RAD18: variants seen among roughly 807,000 people sequenced by gnomAD.
RAD18 encodes the protein E3 ubiquitin-protein ligase RAD18.
RAD18 carries 47 observed loss-of-function variants against 60.4 expected under a neutral mutation model. The observed-to-expected ratio is 0.78, with a 90% CI of 0.62 to 0.99. The LOEUF (loss-of-function observed/expected upper bound fraction) is 0.99. RAD18 is among the 50% of genes least tolerant of loss of function. The pLI is 0.00. For missense variants in RAD18, 640 were observed against 593.3 expected (o/e 1.08, Z -0.82); for synonymous variants, 225 against 195.5 (o/e 1.15, Z -1.26).
At chr3:8,885,080 C>G (rs956928816) in intron 12 of RAD18, among the ~76,000 whole-genome samples, 3 of 152,176 alleles carry the variant, frequency 2.0e-5, no homozygotes, top group Non-Finnish European at 4.4e-5. Context: ...CTTAGGAGAT[C>G]TGGCCATTCA....
chr3:8,890,248 C>T, intron 12 of RAD18, 141 bp downstream of exon 12: 1 of 637,166 alleles, frequency 1.6e-6, no homozygotes, highest in Non-Finnish European at 2.7e-6. Context: ...AAGTAGTAAA[C>T]TGAAAATCTT....
chr3:8,963,260 G>A (rs1392320710), intron 1 of RAD18, 75 bp downstream of exon 1: 1 of 1,462,358 alleles, frequency 6.8e-7, no homozygotes, highest in South Asian at 1.2e-5. Flanking sequence ...TCCTTAAGGC[G>A]AGGACATCCT....
intron 9 of RAD18, among the ~76,000 whole-genome samples, chr3:8,907,055 C>T (rs1430032197): frequency 6.6e-6 from 1 of 152,196 alleles, no homozygotes; most frequent in Non-Finnish European, 1.5e-5. Flanking sequence ...CTGGGTTTCT[C>T]CTTCCAGTAC....
chr3:8,943,772 G>A (rs368681495), intron 4 of RAD18, among the ~76,000 whole-genome samples: 4 of 152,088 alleles, frequency 2.6e-5, no homozygotes, highest in African/African-American at 4.8e-5. Flanking sequence ...AAATAACCCC[G>A]CATGTCAAAT....
At chr3:8,942,961 T>C (rs903805675) in intron 4 of RAD18, among the ~76,000 whole-genome samples, 1 of 152,316 alleles carries the variant, frequency 6.6e-6, no homozygotes, top group East Asian at 1.9e-4. Flanking sequence ...GGTAAGATCA[T>C]GGACATTCAA....
At chr3:8,959,364 G>C (rs554777499) in intron 1 of RAD18, among the ~76,000 whole-genome samples, 5 of 152,270 alleles carry the variant, frequency 3.3e-5, no homozygotes, top group South Asian at 2.1e-4. Context: ...CCAACACCTA[G>C]CCTATAGTCA....
chr3:8,948,625 A>C, intron 2 of RAD18, 55 bp from the exon 3 acceptor site: 1 of 1,419,670 alleles, frequency 7.0e-7, no homozygotes, highest in Non-Finnish European at 9.8e-7. Context: ...ATAATACAGG[A>C]ATATGACTTC....
At chr3:8,932,960 C>G (rs546164) in intron 7 of RAD18, among the ~76,000 whole-genome samples, 106,955 of 151,790 alleles carry the variant, frequency 0.7, 38,121 homozygotes, top group Middle Eastern at 0.78. Context: ...GCCGGGCGTG[C>G]TGGCAGGCAC....
chr3:8,887,305 G>A (rs896012935), intron 12 of RAD18, among the ~76,000 whole-genome samples: 19 of 152,156 alleles, frequency 1.2e-4, no homozygotes, highest in African/African-American at 7.2e-5. Context: ...AAGGGAGAGT[G>A]AGAAGTTTAA....
At chr3:8,922,161 A>C (rs1461766106) in intron 7 of RAD18, among the ~76,000 whole-genome samples, 1 of 152,228 alleles carries the variant, frequency 6.6e-6, no homozygotes, top group Non-Finnish European at 1.5e-5. Context: ...GGGGAAGCAC[A>C]AGGGGTCAGG....
At chr3:8,906,050 G>C (rs545008334) in intron 9 of RAD18, among the ~76,000 whole-genome samples, 1 of 152,138 alleles carries the variant, frequency 6.6e-6, no homozygotes, top group South Asian at 2.1e-4. Flanking sequence ...GAGAGACTGT[G>C]CCTTTGAACC....
At chr3:8,912,097 C>T (rs1482527640) in intron 9 of RAD18, among the ~76,000 whole-genome samples, 1 of 151,998 alleles carries the variant, frequency 6.6e-6, no homozygotes, top group Non-Finnish European at 1.5e-5. Context: ...TAGTGATAAG[C>T]TCAAAGTAGA....
intron 3 of RAD18, among the ~76,000 whole-genome samples, chr3:8,948,295 A>T (rs1940869970): frequency 6.6e-6 from 1 of 152,214 alleles, no homozygotes; most frequent in South Asian, 2.1e-4. Flanking sequence ...TACTTCCTAA[A>T]ATACATTTAG....
At position 8,899,126 on chromosome 3, in the gene RAD18, C is replaced by T. The variant is rs991285639; in HGVS notation, c.1169-79G>A. The T allele has an allele frequency of 1.3e-5, 15 of 1,111,480 alleles. No homozygotes were observed. The Admixed American group carries it at 2.0e-4, about 15-fold the overall frequency. 68.9% of individuals were successfully genotyped at this position (1,111,480 alleles called of 1,614,324 possible). A position where few individuals can be genotyped will look rare whatever the true frequency, so the allele number is the denominator to read the frequency against. On this transcript the variant is annotated intron_variant, in intron 10 of 12. Transcript: ENST00000264926. ...ATTACTTCTGCAACACTTAATACTG[C>T]CATGTGCACTTAGTAAAGTTGAAGT...
At chr3:8,886,774 G>A (rs1449588164) in intron 12 of RAD18, among the ~76,000 whole-genome samples, 1 of 152,212 alleles carries the variant, frequency 6.6e-6, no homozygotes, top group East Asian at 1.9e-4. Flanking sequence ...GCAGCGGCGT[G>A]TGCAAAGGCC....
chr3:8,898,381 CGTGTGT>C (rs59853617), intron 11 of RAD18, among the ~76,000 whole-genome samples: 95,313 of 148,326 alleles, frequency 0.64, 33,004 homozygotes, highest in South Asian at 0.83. Context: ...TGTGTGCATG[CGTGTGT>C]GTGTGTGTGT....
chr3:8,954,762 G>A (rs1205205893), intron 2 of RAD18, among the ~76,000 whole-genome samples: 3 of 152,088 alleles, frequency 2.0e-5, no homozygotes, highest in African/African-American at 7.2e-5. Context: ...TAGGATTCTG[G>A]ATCACCAATT....
rs1386431424 is a variant in RAD18 at position 8,880,498 on chromosome 3, T to C, written c.*859A>G. The C allele has an allele frequency of 1.3e-5, 2 of 152,176 alleles. No individual in the cohort carries two copies. Among genetic ancestry groups the C allele is most frequent in the African/African-American group, 4.8e-5 (2 of 41,440 alleles). The allele number at this position is 152,176 out of a possible 1,614,324, so 9.4% of individuals were successfully genotyped here. ...CAGATAGCAATTTCTGACCAATCCA[T>C]TTCAATGATTTCTAACCCATACTCA... On this transcript the variant is annotated 3_prime_UTR_variant, in exon 13 of 13. Coordinates refer to ENST00000264926, the MANE Select transcript of RAD18 (RefSeq NM_020165.4).
intron 3 of RAD18, 34 bp downstream of exon 3, chr3:8,948,475 C>A (rs374876735): frequency 1.3e-6 from 2 of 1,558,082 alleles, no homozygotes; most frequent in Non-Finnish European, 1.8e-6. Flanking sequence ...TTGCAGCAGT[C>A]AGTAAGTTTT....
Sources: allele counts gnomAD v4.1 joint callset (sites outside exome capture counted in the v4.1 genomes callset), GRCh38; gene constraint gnomAD v4.1.1; transcripts MANE v1.5; gene names NCBI Gene and HGNC (gene_info 2026-07-23, HGNC 2026-07-21).